EFEMP2: variants seen among roughly 807,000 people sequenced by gnomAD.
EFEMP2 encodes EGF-containing fibulin-like extracellular matrix protein 2.
In EFEMP2, 21 loss-of-function variants were observed where a neutral mutation model predicts 55.3. The ratio of observed to expected loss-of-function variants is 0.38; its 90% CI spans 0.27 to 0.55. EFEMP2 has a LOEUF of 0.55. Ranked by LOEUF, EFEMP2 falls within the 20% of genes least tolerant of loss-of-function variation. The pLI, the probability that EFEMP2 is intolerant of heterozygous loss-of-function variation, is 0.77. For synonymous variants in EFEMP2, 275 were observed against 242.3 expected, an observed-to-expected ratio of 1.14 and a Z score of -1.25; for missense variants, 513 against 615.1, an observed-to-expected ratio of 0.83 and a Z score of 1.76.
intron 2 of EFEMP2, 66 bp from the exon 3 acceptor site, chr11:65,872,084 T>C: frequency 6.5e-7 from 1 of 1,542,418 alleles, no homozygotes; most frequent in Non-Finnish European, 8.8e-7. Context: ...AGGCCAAGAC[T>C]AGGGCCTGAG....
intron 10 of EFEMP2, chr11:65,867,312 C>T (rs1859869505): frequency 1.7e-6 from 1 of 587,348 alleles, no homozygotes; most frequent in Admixed American, 3.0e-5. Context: ...CCAGCCTGCT[C>T]TGTCTGACCC....
Position 65,869,524 on chromosome 11 carries a change from TAGA to T in EFEMP2, c.727+330_727+332del, listed in dbSNP as rs533899159. The stretch of plus-strand genomic sequence containing the variant: ...CTAATCCTCAAGACAACCCATTTTA[TAGA>T]AGAAGAAACAGGCTCAGAGAGGAGT... On this transcript the variant is annotated intron_variant, in intron 7 of 10. Coordinates refer to ENST00000307998, the MANE Select transcript of EFEMP2 (RefSeq NM_016938.5). 1,503 of 378,168 alleles carry T rather than the reference TAGA, an allele frequency of 4.0e-3. 42 individuals carry two copies. The highest frequency in any genetic ancestry group is 2.0e-3 in the Non-Finnish European group (384 of 195,886). 23.4% of individuals were successfully genotyped at this position (378,168 alleles called of 1,614,324 possible). A position where few individuals can be genotyped will look rare whatever the true frequency, so the allele number is the denominator to read the frequency against.
rs774020582 is a variant in EFEMP2, at chr11:65,871,209, G to T, written c.315C>A (p.His105Gln). 3 of 1,614,102 alleles carry T rather than the reference G, an allele frequency of 1.9e-6. No individual in the cohort carries two copies. Among genetic ancestry groups the T allele is most frequent in the African/African-American group, 2.7e-5 (2 of 74,944 alleles). ...GPPPPVPPAQ[H>Q]PNPCPPGYEP... is the part of the protein sequence containing the mutation. Reference sequence around the variant, plus strand: ...CATAGCCTGGTGGGCAGGGGTTGGGGTGTTGAGCGGGAGGCACTGGTGGCG... The same window carrying T: ...CATAGCCTGGTGGGCAGGGGTTGGGTTGTTGAGCGGGAGGCACTGGTGGCG... The change falls in exon 4 of 11, where the codon CAC (histidine) becomes CAA (glutamine). Residue 105 changes from histidine to glutamine, a missense_variant. Transcript: ENST00000307998.
Position 65,870,750 on chromosome 11 carries a change from A to G in EFEMP2, c.368-92T>C, listed in dbSNP as rs1228946244. On this transcript the variant is annotated intron_variant, in intron 4 of 10. Coordinates refer to ENST00000307998, the MANE Select transcript of EFEMP2 (RefSeq NM_016938.5). Reference sequence around the variant, plus strand: ...AACACTTGTATTCGGTTCTCTCAACAGCACGCGTAAGAGTTCACCAGCCTG... The same window carrying G: ...AACACTTGTATTCGGTTCTCTCAACGGCACGCGTAAGAGTTCACCAGCCTG... The G allele has an allele frequency of 3.8e-6, 6 of 1,588,028 alleles. No homozygotes were observed. The African/African-American group carries it at 8.0e-5, about 21-fold the overall frequency.
chr11:65,870,716 G>A, intron 4 of EFEMP2, 58 bp from the exon 5 acceptor site: 1 of 1,611,766 alleles, frequency 6.2e-7, no homozygotes, highest in Non-Finnish European at 8.5e-7. Flanking sequence ...CAACATGACA[G>A]ATAGTTCCAA....
At position 65,872,349 on chromosome 11, in the gene EFEMP2, G is replaced by C; in HGVS notation, c.6C>G (p.Leu2=). 6.4e-7 allele frequency: 1 copy of C among 1,550,792 alleles called. No individual in the cohort carries two copies. Residue 2 remains leucine, a synonymous_variant, in exon 2 of 11, where the codon CTC becomes CTG. Coordinates refer to ENST00000307998, the MANE Select transcript of EFEMP2 (RefSeq NM_016938.5). Reference sequence around the variant, plus strand: ...ACCCGGGTAGGCAGGAGGCGCAGGGGAGCATCCTGGGGCTGCGAGATGGTG... The same window carrying C: ...ACCCGGGTAGGCAGGAGGCGCAGGGCAGCATCCTGGGGCTGCGAGATGGTG... M[L]PCASCLPGSL...
chr11:65,871,809 G>T, intron 3 of EFEMP2, 161 bp downstream of exon 3: 1 of 880,070 alleles, frequency 1.1e-6, no homozygotes. Context: ...AGCTCAACTG[G>T]CCTCCAGAGA....
rs753778921 is a variant in EFEMP2, at chr11:65,868,397, G to A, written c.872C>T (p.Ala291Val). 6.8e-6 allele frequency: 11 copies of A among 1,613,710 alleles called. No individual in the cohort carries two copies. Among genetic ancestry groups the A allele is most frequent in the East Asian group, 2.2e-5 (1 of 44,884 alleles). ...CQDIDECESGAHQCSEAQTCV... is the reference protein window; with the variant it reads ...CQDIDECESGVHQCSEAQTCV... ...GGTTTGGGCCTCGGAGCACTGGTGCGCACCAGACTCACACTCATCAATGTC... is the reference window on the plus strand; with the variant it reads ...GGTTTGGGCCTCGGAGCACTGGTGCACACCAGACTCACACTCATCAATGTC... The change falls in exon 9 of 11, where the codon GCG becomes GTG. Residue 291 changes from alanine to valine, a missense_variant. By Grantham distance (64) the Ala-to-Val change is moderately conservative. Transcript: ENST00000307998.
chr11:65,871,618 C>T, intron 3 of EFEMP2: 1 of 600,372 alleles, frequency 1.7e-6, no homozygotes, highest in Non-Finnish European at 3.0e-6. Context: ...CGGCCCTAGC[C>T]CTAGCTCAGC....
intron 7 of EFEMP2, 171 bp from the exon 8 acceptor site, chr11:65,868,800 G>C (rs1859912151): frequency 3.6e-6 from 3 of 838,242 alleles, no homozygotes; most frequent in Non-Finnish European, 5.7e-6. Flanking sequence ...AAGAAAGTTT[G>C]CCCAGGCTGC....
At position 65,872,227 on chromosome 11, in the gene EFEMP2, G is replaced by C. The variant is rs768070943; in HGVS notation, c.111+17C>G. ...CTACCCTTCCTGTCCCAGGCCAGCGGCCCTCACTGTCCCCACCGTGTAGCT... is the reference window on the plus strand; with the variant it reads ...CTACCCTTCCTGTCCCAGGCCAGCGCCCCTCACTGTCCCCACCGTGTAGCT... On this transcript the variant is annotated intron_variant, in intron 2 of 10. Transcript: ENST00000307998. The C allele has an allele frequency of 9.6e-5, 148 of 1,546,890 alleles. No individual in the cohort carries two copies. Among genetic ancestry groups the C allele is most frequent in the Non-Finnish European group, 1.3e-4 (145 of 1,142,938 alleles).
At chr11:65,870,925 G>A in intron 4 of EFEMP2, 1 of 705,324 alleles carries the variant, frequency 1.4e-6, no homozygotes, top group Non-Finnish European at 2.4e-6. Flanking sequence ...GACACTGGAA[G>A]GCAGACTTCC....
chr11:65,868,199 C>T (rs553406481), intron 9 of EFEMP2, 96 bp downstream of exon 9: 9 of 1,585,162 alleles, frequency 5.7e-6, no homozygotes, highest in African/African-American at 5.4e-5. Flanking sequence ...CCCATCATCC[C>T]TCAGGGGCAC....
chr11:65,870,852 C>T, intron 4 of EFEMP2, 194 bp from the exon 5 acceptor site: 1 of 790,198 alleles, frequency 1.3e-6, no homozygotes, highest in Non-Finnish European at 2.1e-6. Context: ...CCTGTCCAAA[C>T]ATCCCCAGCA....
intron 2 of EFEMP2, 64 bp downstream of exon 2, chr11:65,872,180 C>T (rs1347025685): frequency 1.2e-5 from 18 of 1,513,868 alleles, no homozygotes; most frequent in Middle Eastern, 1.7e-4. Flanking sequence ...AGCAGTCACC[C>T]TGGGTCCCGG....
intron 10 of EFEMP2, chr11:65,867,550 G>GC (rs1859876020): frequency 2.1e-6 from 1 of 473,892 alleles, no homozygotes; most frequent in African/African-American, 2.0e-5. Context: ...AGATCCACTA[G>GC]CAAGGAGTGG....
chr11:65,868,218 C>A, intron 9 of EFEMP2, 77 bp downstream of exon 9: 1 of 1,601,566 alleles, frequency 6.2e-7, no homozygotes, highest in South Asian at 1.1e-5. Context: ...ACTCGCTGGT[C>A]TGAATAGATG....
chr11:65,867,654 C>A, intron 10 of EFEMP2: 1 of 632,450 alleles, frequency 1.6e-6, no homozygotes, highest in East Asian at 2.8e-5. Context: ...AGGACTCAAA[C>A]TCCCGTGTCC....
chr11:65,866,721 A>T lies in EFEMP2; in HGVS notation c.*197T>A. The stretch of plus-strand genomic sequence containing the variant: ...AATGGGGGCCCCTGGGCCTGAACAT[A>T]TAGAGACCCCCATTTAGGTGAACTT... On this transcript the variant is annotated 3_prime_UTR_variant, in exon 11 of 11. Transcript: ENST00000307998. 1.3e-6 allele frequency: 1 copy of T among 744,522 alleles called. No homozygotes were observed. Among genetic ancestry groups the T allele is most frequent in the Admixed American group, 2.0e-5 (1 of 49,936 alleles). 46.1% of individuals were successfully genotyped at this position (744,522 alleles called of 1,614,324 possible).
Sources: gnomAD v4.1 joint callset for allele counts on GRCh38, gnomAD v4.1.1 for gene constraint, MANE v1.5 for transcripts, NCBI Gene and HGNC (gene_info 2026-07-23, HGNC 2026-07-21) for gene names.